The following FGFR3 variants were observed in gnomAD, a reference collection of about 807,000 sequenced individuals.
FGFR3 encodes the protein FGFR-3.
A neutral mutation model predicts 82.9 loss-of-function variants in FGFR3; 25 were observed. The ratio of observed to expected loss-of-function variants is 0.30; its 90% CI spans 0.22 to 0.42. FGFR3 has a LOEUF of 0.42. Among genes scored for constraint, FGFR3 ranks in the 10% least tolerant of loss-of-function variants. The pLI is 1.00. For missense variants in FGFR3, 1,026 were observed against 1,161.0 expected, an observed-to-expected ratio of 0.88 and a Z score of 1.69; for synonymous variants, 620 against 516.0, an observed-to-expected ratio of 1.20 and a Z score of -2.73.
At chr4:1,804,575 G>C in intron 9 of FGFR3, 55 bp downstream of exon 9, 7 of 1,600,596 alleles carry the variant, frequency 4.4e-6, no homozygotes, top group Non-Finnish European at 6.0e-6. Flanking sequence ...GCCTCCTGGA[G>C]CCCCACCTCG....
chr4:1,805,315 C>A, intron 10 of FGFR3, 40 bp from the exon 11 acceptor site: 1 of 1,606,286 alleles, frequency 6.2e-7, no homozygotes, highest in Non-Finnish European at 8.5e-7. Context: ...TGAGAGTGGG[C>A]GAGTTTGCAC....
In FGFR3 at chr4:1,807,387, G is replaced by C. The variant is rs1200895583; in HGVS notation, c.*125G>C. ...ACAGCTACACAGAGCTTTGGTCTGT[G>C]TGTGTGTGTGTGCGTGTGTGTGTGT... On this transcript the variant is annotated 3_prime_UTR_variant, in exon 18 of 18. Coordinates refer to ENST00000440486, the MANE Select transcript of FGFR3 (RefSeq NM_000142.5). The C allele has an allele frequency of 2.5e-6, 3 of 1,208,496 alleles. No homozygotes were observed. Among genetic ancestry groups the C allele is most frequent in the African/African-American group, 4.5e-5 (2 of 44,110 alleles). The allele number at this position is 1,208,496 out of a possible 1,614,324, so 74.9% of individuals were successfully genotyped here.
In FGFR3 at chr4:1,804,534, G is replaced by A. The variant is rs2108798518; in HGVS notation, c.1266+14G>A. Reference sequence around the variant, plus strand: ...CTCAAGCGACAGGTAACAGAAAGTAGATACCAGGTTCTGAGCTGCCTGCCC... The same window carrying A: ...CTCAAGCGACAGGTAACAGAAAGTAAATACCAGGTTCTGAGCTGCCTGCCC... On this transcript the variant is annotated intron_variant, in intron 9 of 17. Transcript: ENST00000440486. The A allele has an allele frequency of 1.2e-6, 2 of 1,611,370 alleles. No homozygotes were observed. The highest frequency in any genetic ancestry group is 1.7e-6 in the Non-Finnish European group (2 of 1,179,892).
intron 2 of FGFR3, among the ~76,000 whole-genome samples, chr4:1,795,297 T>C (rs1388689744): frequency 6.6e-6 from 1 of 151,834 alleles, no homozygotes; most frequent in Non-Finnish European, 1.5e-5. Flanking sequence ...CAGATAAAGA[T>C]ATTACTCCCT....
In FGFR3 at chr4:1,793,812, GCTGCCTTC is replaced by G. The variant is rs1452696194; in HGVS notation, c.-102-18_-102-11del. 6.8e-3 allele frequency: 1,203 copies of G among 177,748 alleles called. 8 individuals carry two copies. Among genetic ancestry groups the G allele is most frequent in the Non-Finnish European group, 9.7e-3 (861 of 88,878 alleles). 11.0% of individuals were successfully genotyped at this position (177,748 alleles called of 1,614,324 possible). A position where few individuals can be genotyped will look rare whatever the true frequency, so the allele number is the denominator to read the frequency against. ...TCGTCCCTGTCCGCCCCTCTAACGA[GCTGCCTTC>G]CTCCTCCTGTAGTCTCCCGAGCGGC... is the stretch of plus-strand genomic sequence containing the variant. On this transcript the variant is annotated splice_polypyrimidine_tract_variant and intron_variant, in intron 1 of 17. Transcript: ENST00000440486.
In FGFR3 at chr4:1,801,354, C is replaced by T. The variant is rs928462113; in HGVS notation, c.446-13C>T. The T allele has an allele frequency of 1.9e-6, 3 of 1,549,586 alleles. No homozygotes were observed. Among genetic ancestry groups the T allele is most frequent in the African/African-American group, 2.7e-5 (2 of 73,306 alleles). On this transcript the variant is annotated splice_polypyrimidine_tract_variant and intron_variant, in intron 4 of 17. Transcript: ENST00000440486. ...ACTCGGGTCATGGCCTTCACACGCACCTCGGCCCGCAGGGGCCCCTTACTG... is the reference window on the plus strand; with the variant it reads ...ACTCGGGTCATGGCCTTCACACGCATCTCGGCCCGCAGGGGCCCCTTACTG...
At chr4:1,801,589 C>G in intron 5 of FGFR3, 31 bp from the exon 6 acceptor site, 1 of 1,592,200 alleles carries the variant, frequency 6.3e-7, no homozygotes, top group Non-Finnish European at 8.5e-7. Context: ...TTGCTGCCTC[C>G]GCTCACTCAC....
In FGFR3 at chr4:1,805,725, C is replaced by T. The variant is rs767262088; in HGVS notation, c.1646-25C>T. On this transcript the variant is annotated intron_variant, in intron 12 of 17. Transcript: ENST00000440486. ...GGGCGGCCCTCCTGGGCCTGGCAGC[C>T]CGTCTGAGGAGCCCGTGTCCCCAGG... 3 of 1,611,658 alleles carry T rather than the reference C, an allele frequency of 1.9e-6. No homozygotes were observed. In the South Asian group the frequency reaches 3.3e-5, roughly 18 times the overall value.
At chr4:1,806,438 C>T in intron 15 of FGFR3, 108 bp from the exon 16 acceptor site, 1 of 1,603,204 alleles carries the variant, frequency 6.2e-7, no homozygotes, top group Non-Finnish European at 8.5e-7. Context: ...GGTGTGGTTT[C>T]TACCCCTCCC....
In FGFR3 at chr4:1,799,756, C is replaced by A. The variant is rs113172184; in HGVS notation, c.389C>A (p.Ser130Tyr). 1.9e-5 allele frequency: 30 copies of A among 1,612,882 alleles called. No homozygotes were observed. Among genetic ancestry groups the A allele is most frequent in the Non-Finnish European group, 2.5e-5 (30 of 1,179,954 alleles). Residue 130 changes from serine to tyrosine, a missense_variant, in exon 4 of 18, where the codon TCC (serine) becomes TAC (tyrosine). Ser to Tyr is a moderately radical substitution (Grantham distance 144). This residue lies in a region of FGFR3 where 226 missense variants were observed against 222.0 expected (regional missense o/e 1.02). Coordinates refer to ENST00000440486, the MANE Select transcript of FGFR3 (RefSeq NM_000142.5). ...HFSVRVTDAP[S>Y]SGDDEDGEDE... ...CATCTCTGCCTTGCAGACGCTCCAT[C>A]CTCGGGAGATGACGAAGACGGGGAG...
Position 1,805,685 on chromosome 4 carries a change from G to A in FGFR3, c.1645+16G>A, listed in dbSNP as rs1265649651. On this transcript the variant is annotated intron_variant, in intron 12 of 17. Coordinates refer to ENST00000440486, the MANE Select transcript of FGFR3 (RefSeq NM_000142.5). ...ACGCAGGGCGGTAGGTGCGGTAGCG[G>A]CGGTGGTGCCGGCTGGGCGGCCCTC... 6.2e-7 allele frequency: 1 copy of A among 1,611,508 alleles called. No homozygotes were observed. Among genetic ancestry groups the A allele is most frequent in the South Asian group, 1.1e-5 (1 of 90,942 alleles).
intron 2 of FGFR3, among the ~76,000 whole-genome samples, chr4:1,795,879 G>A (rs1056177327): frequency 1.3e-5 from 2 of 152,156 alleles, no homozygotes; most frequent in Non-Finnish European, 2.9e-5. Context: ...ACTTTGAGCC[G>A]CGTGGGCCTC....
chr4:1,803,357 C>T (rs1721444918), intron 7 of FGFR3, among the ~76,000 whole-genome samples: 1 of 152,198 alleles, frequency 6.6e-6, no homozygotes, highest in South Asian at 2.1e-4. Context: ...TCTCTCCACC[C>T]CTGCCCGCTG....
At chr4:1,796,761 G>A (rs1283778956) in intron 2 of FGFR3, among the ~76,000 whole-genome samples, 1 of 152,150 alleles carries the variant, frequency 6.6e-6, no homozygotes, top group Non-Finnish European at 1.5e-5. Flanking sequence ...CATCAGTCTT[G>A]GGGCCAGAGA....
rs1036704700 is a variant in FGFR3, at chr4:1,799,587, G to A, written c.379+64G>A. The A allele has an allele frequency of 1.6e-5, 25 of 1,549,696 alleles. No homozygotes were observed. The Middle Eastern group carries it at 5.4e-4, about 33-fold the overall frequency. ...AGTGCCGGGCTCCCTGAGTCCCTGC[G>A]TGGGTCAGGAGCGGCTGGGGGTCTC... On this transcript the variant is annotated intron_variant, in intron 3 of 17. Transcript: ENST00000440486.
Position 1,806,181 on chromosome 4 carries a change from C to CG in FGFR3, c.1959+10dup, listed in dbSNP as rs1721889280. Reference sequence around the variant, plus strand: ...TACAAGAAGACGACCAACGTGAGCCCGGCCCTGGGGTGCGGGGGTGGGGGT... The same window carrying CG: ...TACAAGAAGACGACCAACGTGAGCCCGGGCCCTGGGGTGCGGGGGTGGGGGT... On this transcript the variant is annotated intron_variant, in intron 14 of 17. Coordinates refer to ENST00000440486, the MANE Select transcript of FGFR3 (RefSeq NM_000142.5). The CG allele has an allele frequency of 1.2e-6, 2 of 1,612,668 alleles. No homozygotes were observed. Among genetic ancestry groups the CG allele is most frequent in the Non-Finnish European group, 1.7e-6 (2 of 1,179,650 alleles).
At position 1,806,634 on chromosome 4, in the gene FGFR3, C is replaced by T. The variant is rs2108812251; in HGVS notation, c.2119C>T (p.Leu707=). The T allele has an allele frequency of 6.2e-7, 1 of 1,613,048 alleles. No individual in the cohort carries two copies. The highest frequency in any genetic ancestry group is 8.5e-7 in the Non-Finnish European group (1 of 1,179,942). ...GIPVEELFKL[L]KEGHRMDKPA... ...CCCTGTGGAGGAGCTCTTCAAGCTG[C>T]TGAAGGAGGGCCACCGCATGGACAA... The change falls in exon 16 of 18, where the codon CTG becomes TTG. Residue 707 remains leucine (L), a synonymous_variant. Transcript: ENST00000440486.
In FGFR3 at chr4:1,805,488, G is replaced by T. The variant is rs894174157; in HGVS notation, c.1534+12G>T. 4 of 1,612,104 alleles carry T rather than the reference G, an allele frequency of 2.5e-6. No individual in the cohort carries two copies. Among genetic ancestry groups the T allele is most frequent in the Non-Finnish European group, 3.4e-6 (4 of 1,179,468 alleles). The stretch of plus-strand genomic sequence containing the variant: ...GAAGATGCTGAAAGGTGAGGAGGGG[G>T]CGGCCAGGGGTGCAGAGCAGGGCTG... On this transcript the variant is annotated intron_variant, in intron 11 of 17. Coordinates refer to ENST00000440486, the MANE Select transcript of FGFR3 (RefSeq NM_000142.5).
Position 1,807,474 on chromosome 4 carries a change from C to T in FGFR3, c.*212C>T, listed in dbSNP as rs1323345172. ...ATCTTGCCTCCAGGTGCAGAGGTACCCTGGGTGTCCCCGCTGCTGTGCAAC... is the reference window on the plus strand; with the variant it reads ...ATCTTGCCTCCAGGTGCAGAGGTACTCTGGGTGTCCCCGCTGCTGTGCAAC... On this transcript the variant is annotated 3_prime_UTR_variant, in exon 18 of 18. Transcript: ENST00000440486. 6.5e-6 allele frequency: 5 copies of T among 764,418 alleles called. No homozygotes were observed. The Admixed American group carries it at 8.0e-5, about 12-fold the overall frequency. 47.4% of individuals were successfully genotyped at this position (764,418 alleles called of 1,614,324 possible).
Sources: allele counts gnomAD v4.1 joint callset (sites outside exome capture counted in the v4.1 genomes callset), GRCh38; gene constraint gnomAD v4.1.1; regional missense constraint gnomAD v4.1.1; transcripts MANE v1.5; gene names NCBI Gene and HGNC (gene_info 2026-07-23, HGNC 2026-07-21).